Variants in TBCK observed in about 807,000 individuals in gnomAD.
TBCK encodes TBC1 domain containing kinase.
In TBCK, 99 loss-of-function variants were observed where a neutral mutation model predicts 113.4. The observed-to-expected ratio is 0.87, with a 90% CI of 0.74 to 1.03. The LOEUF (loss-of-function observed/expected upper bound fraction) is 1.03, where lower values mean the gene tolerates loss of function less well. TBCK is among the 50% of genes least tolerant of loss of function. TBCK has a pLI of 0.00. For missense variants in TBCK, 1,045 were observed against 1,061.3 expected, an observed-to-expected ratio of 0.98 and a Z score of 0.21; for synonymous variants, 369 against 370.8, an observed-to-expected ratio of 1.00 and a Z score of 0.05.
At chr4:106,188,512 A>T (rs1209432218) in intron 22 of TBCK, among the ~76,000 whole-genome samples, 1 of 152,166 alleles carries the variant, frequency 6.6e-6, no homozygotes, top group African/African-American at 2.4e-5. Context: ...CTAAACTATA[A>T]GATAATTTTT....
intron 23 of TBCK, among the ~76,000 whole-genome samples, chr4:106,144,237 G>A (rs1183562979): frequency 1.3e-5 from 2 of 152,182 alleles, no homozygotes; most frequent in African/African-American, 4.8e-5. Flanking sequence ...TGTGGGAAAG[G>A]AAATTGATAT....
intron 5 of TBCK, among the ~76,000 whole-genome samples, chr4:106,252,876 A>G (rs764731913): frequency 2.0e-5 from 3 of 152,114 alleles, no homozygotes; most frequent in Non-Finnish European, 4.4e-5. Flanking sequence ...GTCATAAGTA[A>G]TACATGAGGG....
chr4:106,219,128 C>A (rs1757354263), intron 19 of TBCK, among the ~76,000 whole-genome samples: 2 of 146,978 alleles, frequency 1.4e-5, no homozygotes, highest in South Asian at 4.3e-4. Context: ...GAACAAAAAA[C>A]CAAACACCGC....
At chr4:106,088,777 A>T (rs543018664) in intron 25 of TBCK, among the ~76,000 whole-genome samples, 1 of 152,366 alleles carries the variant, frequency 6.6e-6, no homozygotes, top group Admixed American at 6.5e-5. Context: ...TGTCCTTTGC[A>T]GGGACATGGA....
intron 19 of TBCK, among the ~76,000 whole-genome samples, chr4:106,213,106 T>C (rs749891312): frequency 1.7e-4 from 26 of 152,218 alleles, no homozygotes; most frequent in Non-Finnish European, 1.2e-4. Context: ...AATGTTTTCC[T>C]GTTAAACTCT....
At chr4:106,268,527 A>C (rs1281684607) in intron 3 of TBCK, among the ~76,000 whole-genome samples, 3 of 152,102 alleles carry the variant, frequency 2.0e-5, no homozygotes, top group Non-Finnish European at 4.4e-5. Context: ...ATAGAATAAC[A>C]CCTCAAGATA....
chr4:106,103,316 G>C (rs1254291791), intron 24 of TBCK, among the ~76,000 whole-genome samples: 2 of 152,104 alleles, frequency 1.3e-5, no homozygotes, highest in Admixed American at 6.5e-5. Flanking sequence ...AGGTGCTGAA[G>C]GTAATAGCTT....
At chr4:106,171,502 T>C (rs1338226166) in intron 22 of TBCK, among the ~76,000 whole-genome samples, 2 of 152,152 alleles carry the variant, frequency 1.3e-5, no homozygotes, top group Non-Finnish European at 2.9e-5. Flanking sequence ...TATCTACTTA[T>C]GTTTTCATGT....
At chr4:106,095,750 G>T in intron 24 of TBCK, 109 bp from the exon 25 acceptor site, 1 of 847,036 alleles carries the variant, frequency 1.2e-6, no homozygotes, top group Non-Finnish European at 1.7e-6. Flanking sequence ...ACATCTTCCA[G>T]CTTATGTGAG....
At chr4:106,238,190 T>C (rs1223332942) in intron 12 of TBCK, among the ~76,000 whole-genome samples, 3 of 152,042 alleles carry the variant, frequency 2.0e-5, no homozygotes. Flanking sequence ...TGGATGTAAT[T>C]TATTGTTCGC....
At chr4:106,287,983 T>C (rs1765288178) in intron 3 of TBCK, among the ~76,000 whole-genome samples, 1 of 152,004 alleles carries the variant, frequency 6.6e-6, no homozygotes, top group Non-Finnish European at 1.5e-5. Flanking sequence ...TTCATACTCT[T>C]TCTTCTAAAA....
intron 25 of TBCK, among the ~76,000 whole-genome samples, chr4:106,052,401 G>A (rs1244154150): frequency 1.3e-5 from 2 of 151,682 alleles, no homozygotes; most frequent in African/African-American, 4.8e-5. Context: ...TCATTACATG[G>A]TCCAGCTTTC....
chr4:106,245,352 C>T (rs1414890363), intron 10 of TBCK, among the ~76,000 whole-genome samples: 1 of 152,064 alleles, frequency 6.6e-6, no homozygotes, highest in Non-Finnish European at 1.5e-5. Context: ...TCAGGATAAA[C>T]CGGTTAGTCA....
chr4:106,205,587 C>CAAAAA lies in TBCK; in HGVS notation c.1860+7158_1860+7162dup, dbSNP rs70941240. 1.2e-3 allele frequency among the ~76,000 whole-genome samples: 79 copies of CAAAAA among 64,212 alleles called. 1 individual carries two copies. The highest frequency in any genetic ancestry group is 4.6e-3 in the African/African-American group (77 of 16,614). 42.1% of individuals were successfully genotyped at this position (64,212 alleles called of 152,430 possible). On this transcript the variant is annotated intron_variant, in intron 20 of 25. Coordinates refer to ENST00000394708, the MANE Select transcript of TBCK (RefSeq NM_001163435.3). Reference sequence around the variant, plus strand: ...GGTGAAGCCCTCTCCACTAAAAATACAAAAAAAAAAAAAAAAAAAAAAAAA... The same window carrying CAAAAA: ...GGTGAAGCCCTCTCCACTAAAAATACAAAAAAAAAAAAAAAAAAAAAAAAAAAAAA...
intron 25 of TBCK, among the ~76,000 whole-genome samples, chr4:106,082,474 CT>C (rs1738997209): frequency 6.6e-6 from 1 of 151,974 alleles, no homozygotes; most frequent in Non-Finnish European, 1.5e-5. Context: ...GTTTTTAGGG[CT>C]ACCTGTCAGG....
At chr4:106,128,971 A>C (rs1180023879) in intron 23 of TBCK, among the ~76,000 whole-genome samples, 1 of 152,194 alleles carries the variant, frequency 6.6e-6, no homozygotes, top group Non-Finnish European at 1.5e-5. Context: ...TGGAAAAGAA[A>C]AGGATGTCAT....
At chr4:106,232,645 T>G (rs1278860722) in intron 17 of TBCK, among the ~76,000 whole-genome samples, 2 of 151,966 alleles carry the variant, frequency 1.3e-5, no homozygotes, top group African/African-American at 4.8e-5. Flanking sequence ...GATTTAACAA[T>G]TTGCATAGGC....
intron 2 of TBCK, among the ~76,000 whole-genome samples, chr4:106,295,594 A>C (rs952188280): frequency 2.0e-5 from 3 of 152,150 alleles, no homozygotes; most frequent in Non-Finnish European, 4.4e-5. Flanking sequence ...GCATTCAGAA[A>C]CTTGAAAAAA....
chr4:106,304,251 C>G (rs529718125), intron 2 of TBCK, among the ~76,000 whole-genome samples: 1 of 152,086 alleles, frequency 6.6e-6, no homozygotes, highest in Non-Finnish European at 1.5e-5. Flanking sequence ...CTTCAGTGTA[C>G]CTCCCTCACA....
Sources: allele counts gnomAD v4.1 joint callset (sites outside exome capture counted in the v4.1 genomes callset), GRCh38; gene constraint gnomAD v4.1.1; transcripts MANE v1.5; gene names NCBI Gene and HGNC (gene_info 2026-07-23, HGNC 2026-07-21).